The following STYX variants were observed in gnomAD, a reference collection of about 807,000 sequenced individuals.
STYX encodes serine/threonine/tyrosine-interacting protein.
STYX carries 20 observed loss-of-function variants against 42.7 expected under a neutral mutation model. That is an observed-to-expected ratio of 0.47 (90% CI 0.33 to 0.68). The LOEUF is 0.68. STYX is among the 30% of genes least tolerant of loss of function. The pLI, the probability that STYX is intolerant of heterozygous loss-of-function variation, is 0.02. For synonymous variants in STYX, 78 were observed against 81.9 expected, an observed-to-expected ratio of 0.95 and a Z score of 0.26; for missense variants, 226 against 268.5, an observed-to-expected ratio of 0.84 and a Z score of 1.11.
intron 1 of STYX, among the ~76,000 whole-genome samples, chr14:52,742,375 G>A (rs937729267): frequency 2.0e-5 from 3 of 152,096 alleles, no homozygotes; most frequent in African/African-American, 7.2e-5. Flanking sequence ...TTACAAGTAC[G>A]TTTCCACTTA....
chr14:52,747,897 C>T (rs560616803), intron 3 of STYX, among the ~76,000 whole-genome samples: 7 of 152,218 alleles, frequency 4.6e-5, no homozygotes, highest in Admixed American at 2.0e-4. Flanking sequence ...GAGGCTGAGG[C>T]GCGAGAATTG....
At chr14:52,745,898 T>C (rs1881377157) in intron 2 of STYX, among the ~76,000 whole-genome samples, 1 of 152,192 alleles carries the variant, frequency 6.6e-6, no homozygotes. Context: ...AAAAGCCTGG[T>C]GGAAGAAATC....
intron 4 of STYX, among the ~76,000 whole-genome samples, chr14:52,751,858 AG>A: frequency 6.6e-6 from 1 of 152,172 alleles, no homozygotes; most frequent in East Asian, 1.9e-4. Flanking sequence ...TCTATGTAAA[AG>A]TATATATGTT....
intron 4 of STYX, among the ~76,000 whole-genome samples, chr14:52,751,528 A>G (rs549183247): frequency 1.3e-5 from 2 of 152,108 alleles, no homozygotes; most frequent in South Asian, 2.1e-4. Context: ...ATCAGTGTAC[A>G]TTCCCATTAT....
In STYX at chr14:52,774,495, C is replaced by T. The variant is rs999869307; in HGVS notation, c.*3389C>T. 4 of 151,194 alleles carry T rather than the reference C, an allele frequency of 2.6e-5. No individual in the cohort carries two copies. The highest frequency in any genetic ancestry group is 4.2e-4 in the South Asian group (2 of 4,792). The allele number at this position is 151,194 out of a possible 1,614,324, so 9.4% of individuals were successfully genotyped here. On this transcript the variant is annotated 3_prime_UTR_variant, in exon 11 of 11. Coordinates refer to ENST00000354586, the MANE Select transcript of STYX (RefSeq NM_145251.4). ...TTTCTTTCTTTGTTCAACAGTGCTC[C>T]GATAAGGGAATGCTAGAAAATAGAT...
intron 3 of STYX, among the ~76,000 whole-genome samples, 184 bp from the exon 4 acceptor site, chr14:52,750,499 T>A (rs1344315500): frequency 6.6e-6 from 1 of 152,196 alleles, no homozygotes; most frequent in African/African-American, 2.4e-5. Flanking sequence ...GTATTAATCT[T>A]GAATCATTGA....
chr14:52,765,693 T>G (rs1232237324), intron 9 of STYX, among the ~76,000 whole-genome samples: 1 of 152,178 alleles, frequency 6.6e-6, no homozygotes, highest in Admixed American at 6.5e-5. Flanking sequence ...GGAGATGGTT[T>G]CAGGACAAAA....
At chr14:52,744,440 C>T (rs899681228) in intron 1 of STYX, among the ~76,000 whole-genome samples, 4 of 152,194 alleles carry the variant, frequency 2.6e-5, no homozygotes, top group Admixed American at 6.5e-5. Flanking sequence ...GTTGATCAGA[C>T]ACTCTTCTTC....
Position 52,750,757 on chromosome 14 carries a change from A to G in STYX, c.219A>G (p.Lys73=). The G allele has an allele frequency of 1.3e-6, 2 of 1,588,580 alleles. No individual in the cohort carries two copies. Among genetic ancestry groups the G allele is most frequent in the South Asian group, 2.3e-5 (2 of 85,660 alleles). ...IRQNIEANFI[K]PNFQQLFRYL... Reference sequence around the variant, plus strand: ...AAAATATTGAAGCAAACTTTATTAAACCAAACTTTCAGCAGTTATTTAGGT... The same window carrying G: ...AAAATATTGAAGCAAACTTTATTAAGCCAAACTTTCAGCAGTTATTTAGGT... Residue 73 remains lysine, a synonymous_variant, in exon 4 of 11, where the codon AAA becomes AAG. Transcript: ENST00000354586.
intron 9 of STYX, among the ~76,000 whole-genome samples, chr14:52,762,080 A>G (rs1270002845): frequency 1.3e-5 from 2 of 150,066 alleles, no homozygotes; most frequent in East Asian, 2.0e-4. Context: ...GGGTTTTGCC[A>G]TGTTGCCCAG....
chr14:52,730,644 A>G lies in STYX; in HGVS notation c.57+113A>G, dbSNP rs534280334. 2,676 of 1,197,808 alleles carry G rather than the reference A, an allele frequency of 2.2e-3. 7 individuals are homozygous for G. Among genetic ancestry groups the G allele is most frequent in the Non-Finnish European group, 2.8e-3 (2,346 of 848,426 alleles). The allele number at this position is 1,197,808 out of a possible 1,614,324, so 74.2% of individuals were successfully genotyped here. A position where few individuals can be genotyped will look rare whatever the true frequency, so the allele number is the denominator to read the frequency against. On this transcript the variant is annotated intron_variant, in intron 1 of 10. Transcript: ENST00000354586. ...CACCTGTACGGGCGCCCTGCCTCCTAAGGGCGTCCCGGGACCTCTGAAGCC... is the reference window on the plus strand; with the variant it reads ...CACCTGTACGGGCGCCCTGCCTCCTGAGGGCGTCCCGGGACCTCTGAAGCC...
intron 1 of STYX, among the ~76,000 whole-genome samples, chr14:52,740,118 A>C (rs1365883233): frequency 6.6e-6 from 1 of 152,078 alleles, no homozygotes; most frequent in Non-Finnish European, 1.5e-5. Flanking sequence ...CTCTACTAAA[A>C]ATACAAAAAT....
intron 2 of STYX, among the ~76,000 whole-genome samples, chr14:52,745,821 T>C (rs1311439880): frequency 6.6e-6 from 1 of 152,130 alleles, no homozygotes; most frequent in African/African-American, 2.4e-5. Flanking sequence ...AATAGGTGAG[T>C]ACCTATGAGG....
At chr14:52,732,995 T>G (rs1204967003) in intron 1 of STYX, among the ~76,000 whole-genome samples, 1 of 152,174 alleles carries the variant, frequency 6.6e-6, no homozygotes, top group African/African-American at 2.4e-5. Context: ...TCAAAATGAT[T>G]CAGTAATTTC....
chr14:52,736,212 C>T (rs960478308), intron 1 of STYX, among the ~76,000 whole-genome samples: 4 of 152,214 alleles, frequency 2.6e-5, no homozygotes, highest in Admixed American at 1.3e-4. Context: ...GGTTAGATCC[C>T]ACTTTAGGCA....
chr14:52,751,836 C>T (rs1368284119), intron 4 of STYX, among the ~76,000 whole-genome samples: 1 of 152,138 alleles, frequency 6.6e-6, no homozygotes, highest in African/African-American at 2.4e-5. Context: ...GAGGCAGCTT[C>T]TTCCTTCAAT....
chr14:52,769,048 G>A, intron 10 of STYX, 115 bp downstream of exon 10: 2 of 720,244 alleles, frequency 2.8e-6, no homozygotes, highest in Non-Finnish European at 4.5e-6. Context: ...TTAAACTATT[G>A]AGCTAATTCC....
intron 9 of STYX, among the ~76,000 whole-genome samples, chr14:52,768,123 C>T (rs749924674): frequency 3.9e-5 from 6 of 152,130 alleles, no homozygotes; most frequent in Non-Finnish European, 7.4e-5. Flanking sequence ...GAGCTATGAA[C>T]TGTACCTACT....
chr14:52,768,382 C>T (rs958497833), intron 9 of STYX, among the ~76,000 whole-genome samples: 2 of 152,110 alleles, frequency 1.3e-5, no homozygotes, highest in East Asian at 1.9e-4. Flanking sequence ...GTAATCAATT[C>T]CTTTTCCCCT....
Sources: gnomAD v4.1 joint callset for allele counts (sites outside exome capture counted in the v4.1 genomes callset) on GRCh38, gnomAD v4.1.1 for gene constraint, MANE v1.5 for transcripts, NCBI Gene and HGNC (gene_info 2026-07-23, HGNC 2026-07-21) for gene names.